The following CNTN6 variants were observed in gnomAD, a reference collection of about 807,000 sequenced individuals.
CNTN6 encodes the protein contactin 6.
Under a neutral mutation model 122.8 loss-of-function variants are expected in CNTN6, and 137 were observed. That is an observed-to-expected ratio of 1.12 (90% CI 0.97 to 1.29). The LOEUF (loss-of-function observed/expected upper bound fraction) is 1.29, where lower values mean the gene tolerates loss of function less well. CNTN6 is among the 50% of genes most tolerant of loss of function. The pLI is 0.00. For missense variants in CNTN6, 1,634 were observed against 1,223.4 expected (o/e 1.34, Z -5.01); for synonymous variants, 570 against 426.0 (o/e 1.34, Z -4.16).
At chr3:1,134,536 C>T (rs561464063) in intron 1 of CNTN6, among the ~76,000 whole-genome samples, 1 of 152,224 alleles carries the variant, frequency 6.6e-6, no homozygotes, top group Non-Finnish European at 1.5e-5. Context: ...GACCTGGATA[C>T]AAATTAAGAT....
At chr3:1,281,537 T>C (rs1351999301) in intron 5 of CNTN6, among the ~76,000 whole-genome samples, 1 of 150,626 alleles carries the variant, frequency 6.6e-6, no homozygotes, top group Non-Finnish European at 1.5e-5. Flanking sequence ...CCATCTCTGC[T>C]CACCACTACC....
intron 4 of CNTN6, among the ~76,000 whole-genome samples, chr3:1,267,416 G>T (rs928846216): frequency 6.6e-6 from 1 of 151,902 alleles, no homozygotes; most frequent in Admixed American, 6.6e-5. Context: ...TTATGAAATG[G>T]GAGTCATATG....
chr3:1,326,307 T>A (rs1394115640), intron 9 of CNTN6, among the ~76,000 whole-genome samples: 2 of 151,816 alleles, frequency 1.3e-5, no homozygotes, highest in Non-Finnish European at 2.9e-5. Flanking sequence ...GTGCATTATC[T>A]TATTGCACCC....
chr3:1,284,465 T>C (rs1185380463), intron 5 of CNTN6, among the ~76,000 whole-genome samples: 2 of 152,146 alleles, frequency 1.3e-5, no homozygotes, highest in African/African-American at 4.8e-5. Flanking sequence ...ACAGGCCCAA[T>C]AGTTGCCTCT....
chr3:1,253,804 G>A (rs2094709574), intron 4 of CNTN6, among the ~76,000 whole-genome samples: 1 of 152,144 alleles, frequency 6.6e-6, no homozygotes, highest in Non-Finnish European at 1.5e-5. Context: ...CTGCTGTGCA[G>A]TCAGATTTCT....
chr3:1,399,339 A>ATAGT (rs3836234), intron 20 of CNTN6, among the ~76,000 whole-genome samples: 17,519 of 152,118 alleles, frequency 0.12, 1,218 homozygotes, highest in Middle Eastern at 0.16. Flanking sequence ...TTGAGGAAGG[A>ATAGT]TAGTTACAAA....
intron 11 of CNTN6, among the ~76,000 whole-genome samples, chr3:1,342,633 G>A (rs905846284): frequency 6.6e-6 from 1 of 152,060 alleles, no homozygotes; most frequent in Non-Finnish European, 1.5e-5. Context: ...TTTGCCTGGA[G>A]CTAGGACAGA....
chr3:1,198,187 C>G (rs1440643188), intron 2 of CNTN6, among the ~76,000 whole-genome samples: 1 of 151,912 alleles, frequency 6.6e-6, no homozygotes, highest in East Asian at 1.9e-4. Flanking sequence ...TAATAAAAAA[C>G]AAACAAAAAA....
chr3:1,303,012 C>T lies in CNTN6; in HGVS notation c.761+5021C>T, dbSNP rs141203703. ...TACTGCTTGTCATTCATTTACTTCCCCCCTTAGCTATGTTCAGTCTACTGG... is the reference window on the plus strand; with the variant it reads ...TACTGCTTGTCATTCATTTACTTCCTCCCTTAGCTATGTTCAGTCTACTGG... On this transcript the variant is annotated intron_variant, in intron 7 of 22. Coordinates refer to ENST00000446702, the MANE Select transcript of CNTN6 (RefSeq NM_001289080.2). 2.4e-4 allele frequency among the ~76,000 whole-genome samples: 37 copies of T among 152,062 alleles called. No individual in the cohort carries two copies. In the East Asian group the frequency reaches 6.2e-3, roughly 25 times the overall value.
chr3:1,150,047 A>G (rs374186902), intron 2 of CNTN6, among the ~76,000 whole-genome samples: 2 of 146,180 alleles, frequency 1.4e-5, no homozygotes, highest in East Asian at 3.9e-4. Context: ...GTGAAAGAAC[A>G]GATTGGATCT....
intron 4 of CNTN6, among the ~76,000 whole-genome samples, chr3:1,255,060 T>C (rs1338548613): frequency 6.6e-6 from 1 of 152,170 alleles, no homozygotes; most frequent in Non-Finnish European, 1.5e-5. Context: ...TGGCCTCTCA[T>C]GCTCCAGCCT....
chr3:1,123,466 A>G (rs2092038720), intron 1 of CNTN6, among the ~76,000 whole-genome samples: 1 of 151,916 alleles, frequency 6.6e-6, no homozygotes, highest in South Asian at 2.1e-4. Context: ...GCATATAGGA[A>G]CATAACTAAT....
At chr3:1,372,735 T>C in intron 13 of CNTN6, 103 bp from the exon 14 acceptor site, 1 of 751,384 alleles carries the variant, frequency 1.3e-6, no homozygotes. Flanking sequence ...TATCTTTTAA[T>C]TTCAGAGTTG....
At chr3:1,266,875 C>T (rs2094933985) in intron 4 of CNTN6, among the ~76,000 whole-genome samples, 1 of 151,944 alleles carries the variant, frequency 6.6e-6, no homozygotes, top group Non-Finnish European at 1.5e-5. Flanking sequence ...GATGACCTGG[C>T]CCAGGAGTGA....
chr3:1,349,207 T>C (rs1233537663), intron 11 of CNTN6, among the ~76,000 whole-genome samples: 1 of 151,954 alleles, frequency 6.6e-6, no homozygotes, highest in Non-Finnish European at 1.5e-5. Context: ...ATATTAGTAG[T>C]ATAACTTCAA....
intron 4 of CNTN6, among the ~76,000 whole-genome samples, chr3:1,266,841 C>T (rs2094933392): frequency 6.6e-6 from 1 of 152,026 alleles, no homozygotes; most frequent in East Asian, 1.9e-4. Context: ...GCCACCAAAA[C>T]CAACACCTTC....
chr3:1,174,289 A>G (rs1317940561), intron 2 of CNTN6, among the ~76,000 whole-genome samples: 1 of 152,162 alleles, frequency 6.6e-6, no homozygotes, highest in Non-Finnish European at 1.5e-5. Context: ...ACATCTCTTC[A>G]GAGGCACCCA....
intron 12 of CNTN6, among the ~76,000 whole-genome samples, chr3:1,367,280 T>G (rs1201762916): frequency 6.6e-6 from 1 of 152,066 alleles, no homozygotes; most frequent in South Asian, 2.1e-4. Flanking sequence ...CTTAGTACGC[T>G]GTGAACAACA....
chr3:1,327,140 C>T (rs1701648640), intron 9 of CNTN6, among the ~76,000 whole-genome samples: 1 of 151,770 alleles, frequency 6.6e-6, no homozygotes, highest in Non-Finnish European at 1.5e-5. Flanking sequence ...ACCGTGTTTT[C>T]CTGGAATAAT....
Sources: gnomAD v4.1 joint callset for allele counts (sites outside exome capture counted in the v4.1 genomes callset) on GRCh38, gnomAD v4.1.1 for gene constraint, MANE v1.5 for transcripts, NCBI Gene and HGNC (gene_info 2026-07-23, HGNC 2026-07-21) for gene names.